DMD: variants seen among roughly 807,000 people sequenced by gnomAD.
DMD encodes mutant dystrophin.
Under a neutral mutation model 330.1 loss-of-function variants are expected in DMD, and 63 were observed. That is an observed-to-expected ratio of 0.19 (90% CI 0.16 to 0.24). The LOEUF (loss-of-function observed/expected upper bound fraction) is 0.24. DMD is among the 10% of genes least tolerant of loss of function. DMD has a pLI of 1.00. For synonymous variants in DMD, 1,223 were observed against 959.8 expected (o/e 1.27, Z -5.07); for missense variants, 3,344 against 2,684.1 (o/e 1.25, Z -5.43).
chrX:31,277,183 T>C (rs1379963522), intron 62 of DMD, among the ~76,000 whole-genome samples: 5 of 111,440 alleles, frequency 4.5e-5, no homozygotes, highest in Non-Finnish European at 9.4e-5. Flanking sequence ...TTTCTTATGG[T>C]GATAATACTT....
chrX:32,782,422 G>C (rs1569520134), intron 7 of DMD, among the ~76,000 whole-genome samples: 1 of 111,873 alleles, frequency 8.9e-6, no homozygotes. Flanking sequence ...CAGAGTGGAA[G>C]AACAACATCC....
Position 32,983,221 on chromosome X carries a change from C to T in DMD, c.93+36918G>A, listed in dbSNP as rs938572452. ...CACTATCTATCTCCTAGTGACTCCCCTAGAGAAAATTTACTGTCCCTAGCC... is the reference window on the plus strand; with the variant it reads ...CACTATCTATCTCCTAGTGACTCCCTTAGAGAAAATTTACTGTCCCTAGCC... On this transcript the variant is annotated intron_variant, in intron 2 of 78. Coordinates refer to ENST00000357033, the MANE Select transcript of DMD (RefSeq NM_004006.3). Among the ~76,000 whole-genome samples, 17 of 110,840 alleles carry T rather than the reference C, an allele frequency of 1.5e-4. 1 individual carries two copies. The highest frequency in any genetic ancestry group is 1.3e-3 in the Admixed American group (13 of 10,377).
chrX:31,394,390 T>G (rs1295934527), intron 60 of DMD, among the ~76,000 whole-genome samples: 2 of 112,824 alleles, frequency 1.8e-5, no homozygotes, highest in Non-Finnish European at 3.7e-5. Flanking sequence ...ATTTGAAATT[T>G]ATTTATCAAA....
At chrX:32,217,160 T>C (rs2097115409) in intron 43 of DMD, 97 bp from the exon 44 acceptor site, 7 of 852,574 alleles carry the variant, frequency 8.2e-6, no homozygotes, top group Non-Finnish European at 1.2e-5. Context: ...CTGACAAAGA[T>C]ATCACTCTGA....
intron 2 of DMD, among the ~76,000 whole-genome samples, chrX:32,860,095 T>C (rs2081961083): frequency 8.9e-6 from 1 of 111,798 alleles, no homozygotes; most frequent in African/African-American, 3.3e-5. Flanking sequence ...TCCTTTTTAG[T>C]ATGAAATAAA....
At chrX:32,394,277 T>C (rs1210592179) in intron 30 of DMD, among the ~76,000 whole-genome samples, 2 of 111,711 alleles carry the variant, frequency 1.8e-5, no homozygotes, top group African/African-American at 6.5e-5. Context: ...ACGCAAGAAG[T>C]TGAATGCTTC....
chrX:32,191,657 T>G (rs1312150264), intron 44 of DMD, among the ~76,000 whole-genome samples: 2 of 111,328 alleles, frequency 1.8e-5, no homozygotes, highest in Non-Finnish European at 3.8e-5. Flanking sequence ...GGATAGCAAA[T>G]CCACAAATGT....
intron 59 of DMD, among the ~76,000 whole-genome samples, chrX:31,446,113 T>G (rs750411656): frequency 8.9e-6 from 1 of 112,044 alleles, no homozygotes; most frequent in African/African-American, 3.2e-5. Flanking sequence ...GTATGAACAT[T>G]CAAAATAAGA....
intron 11 of DMD, among the ~76,000 whole-genome samples, chrX:32,619,068 C>T (rs1186811130): frequency 9.0e-6 from 1 of 111,428 alleles, no homozygotes; most frequent in Non-Finnish European, 1.9e-5. Flanking sequence ...AAATATCCAC[C>T]AACATATGAA....
chrX:32,031,094 G>C (rs189483929), intron 44 of DMD, among the ~76,000 whole-genome samples: 1 of 110,055 alleles, frequency 9.1e-6, no homozygotes, highest in East Asian at 2.9e-4. Flanking sequence ...GATTCTACTG[G>C]TTCACGTCAT....
At chrX:32,328,636 A>G (rs2097663738) in intron 41 of DMD, among the ~76,000 whole-genome samples, 1 of 110,187 alleles carries the variant, frequency 9.1e-6, no homozygotes, top group African/African-American at 3.3e-5. Flanking sequence ...AAATAAATTT[A>G]TCTAAGTTGG....
chrX:31,659,271 T>C (rs931222954), intron 53 of DMD, among the ~76,000 whole-genome samples: 3 of 111,542 alleles, frequency 2.7e-5, no homozygotes, highest in African/African-American at 9.8e-5. Flanking sequence ...CTTTTGGTAC[T>C]TTATCCTGAT....
intron 37 of DMD, among the ~76,000 whole-genome samples, chrX:32,362,424 A>C (rs2097840134): frequency 8.9e-6 from 1 of 111,854 alleles, no homozygotes; most frequent in Admixed American, 9.6e-5. Context: ...TTGATGGATG[A>C]CTTGTGTGCT....
chrX:32,095,948 C>T (rs1388613735), intron 44 of DMD, among the ~76,000 whole-genome samples: 3 of 109,913 alleles, frequency 2.7e-5, no homozygotes, highest in Non-Finnish European at 5.7e-5. Context: ...GGTTCATGTG[C>T]ACAACATGCA....
intron 62 of DMD, among the ~76,000 whole-genome samples, chrX:31,299,989 A>G (rs2054519430): frequency 1.8e-5 from 2 of 111,823 alleles, no homozygotes; most frequent in South Asian, 7.4e-4. Flanking sequence ...ATTCTCTCCA[A>G]TGGTAAAAGA....
chrX:31,363,372 C>CTTTTTT (rs752548187), intron 60 of DMD, among the ~76,000 whole-genome samples: 2 of 51,881 alleles, frequency 3.9e-5, no homozygotes, highest in Non-Finnish European at 6.8e-5. Context: ...AGACATGTAT[C>CTTTTTT]TTTTTTTTTT....
intron 1 of DMD, chrX:33,128,526 G>T (rs1336083211): frequency 2.0e-5 from 15 of 753,807 alleles, no homozygotes; most frequent in Non-Finnish European, 2.4e-5. Context: ...AGTTCCTCTA[G>T]AAATAACTGT....
At chrX:32,953,758 T>C (rs375503002) in intron 2 of DMD, among the ~76,000 whole-genome samples, 3 of 112,349 alleles carry the variant, frequency 2.7e-5, no homozygotes, top group Non-Finnish European at 5.6e-5. Context: ...CAGTATGCTA[T>C]CATGAGAAAG....
intron 4 of DMD, among the ~76,000 whole-genome samples, chrX:32,833,707 A>G (rs1189384130): frequency 9.2e-6 from 1 of 108,829 alleles, no homozygotes; most frequent in African/African-American, 3.3e-5. Flanking sequence ...AAAAAAAAAA[A>G]AAAGCAATAG....
Sources: allele counts gnomAD v4.1 joint callset (sites outside exome capture counted in the v4.1 genomes callset), GRCh38; gene constraint gnomAD v4.1.1; transcripts MANE v1.5; gene names NCBI Gene and HGNC (gene_info 2026-07-23, HGNC 2026-07-21).